The following NCAM2 variants were observed in gnomAD, a reference collection of about 807,000 sequenced individuals.
NCAM2 encodes the protein N-CAM-2.
A neutral mutation model predicts 98.1 loss-of-function variants in NCAM2; 30 were observed. That is an observed-to-expected ratio of 0.31 (90% CI 0.23 to 0.41). The LOEUF (loss-of-function observed/expected upper bound fraction) is 0.41, where lower values mean the gene tolerates loss of function less well. Among genes scored for constraint, NCAM2 ranks in the 10% least tolerant of loss-of-function variants. The probability of loss-of-function intolerance (pLI) is 1.00; values close to 1 mark genes in which losing one functional copy is unlikely to be tolerated. For missense variants in NCAM2, 867 were observed against 1,005.8 expected (o/e 0.86, Z 1.87); for synonymous variants, 368 against 342.4 (o/e 1.07, Z -0.83).
chr21:21,467,548 G>A lies in NCAM2; in HGVS notation c.1774+823G>A, dbSNP rs567310968. Among the ~76,000 whole-genome samples the A allele has an allele frequency of 4.0e-5, 6 of 151,264 alleles. No individual in the cohort carries two copies. In the South Asian group the frequency reaches 6.3e-4, roughly 16 times the overall value. On this transcript the variant is annotated intron_variant, in intron 13 of 17. Coordinates refer to ENST00000400546, the MANE Select transcript of NCAM2 (RefSeq NM_004540.5). ...GTTTCTTTTCTCCATTCCCAATGCT[G>A]GTGGTTAAGATAACCAGCCAGATAC...
intron 1 of NCAM2, among the ~76,000 whole-genome samples, chr21:21,102,869 GA>G (rs1011974126): frequency 1.3e-5 from 2 of 151,338 alleles, no homozygotes; most frequent in South Asian, 2.1e-4. Flanking sequence ...AAGGCAAAAT[GA>G]AAAAAAACTC....
At chr21:21,328,731 G>A (rs1170953235) in intron 6 of NCAM2, among the ~76,000 whole-genome samples, 1 of 151,822 alleles carries the variant, frequency 6.6e-6, no homozygotes, top group East Asian at 1.9e-4. Flanking sequence ...AAATTTTTAA[G>A]AGTATATAAA....
intron 16 of NCAM2, among the ~76,000 whole-genome samples, chr21:21,530,094 T>TGAAA (rs1569141508): frequency 2.1e-4 from 29 of 136,608 alleles, no homozygotes; most frequent in African/African-American, 7.5e-4. Context: ...TTTAATTTAA[T>TGAAA]TTAATTATAT....
At chr21:21,165,434 C>T (rs1443357746) in intron 1 of NCAM2, among the ~76,000 whole-genome samples, 1 of 152,170 alleles carries the variant, frequency 6.6e-6, no homozygotes, top group African/African-American at 2.4e-5. Flanking sequence ...TATCCAACTG[C>T]TACTCTGACC....
At chr21:21,355,912 A>T (rs1010682586) in intron 8 of NCAM2, among the ~76,000 whole-genome samples, 1 of 152,064 alleles carries the variant, frequency 6.6e-6, no homozygotes. Flanking sequence ...CCCGGCCTTA[A>T]TTTTAATTCA....
intron 8 of NCAM2, among the ~76,000 whole-genome samples, chr21:21,347,019 T>C (rs1480567158): frequency 6.6e-6 from 1 of 150,784 alleles, no homozygotes; most frequent in African/African-American, 2.4e-5. Context: ...AAATAAATAA[T>C]GGAGAACAGA....
intron 15 of NCAM2, among the ~76,000 whole-genome samples, chr21:21,487,726 C>T (rs1465628455): frequency 6.6e-6 from 1 of 152,076 alleles, no homozygotes; most frequent in African/African-American, 2.4e-5. Flanking sequence ...TTACAGTCAA[C>T]GTTACTGGCC....
At chr21:21,045,541 C>T (rs1332193379) in intron 1 of NCAM2, among the ~76,000 whole-genome samples, 7 of 151,924 alleles carry the variant, frequency 4.6e-5, no homozygotes, top group African/African-American at 9.7e-5. Flanking sequence ...CTCACCTACT[C>T]GGAAAACTGA....
At chr21:21,251,208 G>A (rs563372906) in intron 1 of NCAM2, among the ~76,000 whole-genome samples, 1 of 152,204 alleles carries the variant, frequency 6.6e-6, no homozygotes, top group East Asian at 1.9e-4. Context: ...AGAATGTGCA[G>A]GTTTGTTACG....
At chr21:21,064,811 A>T (rs541355415) in intron 1 of NCAM2, among the ~76,000 whole-genome samples, 1 of 152,298 alleles carries the variant, frequency 6.6e-6, no homozygotes, top group African/African-American at 2.4e-5. Context: ...GTAAACCTAG[A>T]TGTCAAATGA....
intron 1 of NCAM2, among the ~76,000 whole-genome samples, chr21:21,088,127 G>A (rs2065939470): frequency 6.6e-6 from 1 of 152,076 alleles, no homozygotes; most frequent in Non-Finnish European, 1.5e-5. Context: ...TTAAATTTGT[G>A]TATACAATTA....
intron 1 of NCAM2, among the ~76,000 whole-genome samples, chr21:21,058,669 ATT>A (rs59289753): frequency 6.9e-6 from 1 of 144,850 alleles, no homozygotes. Flanking sequence ...TTCACACAGG[ATT>A]TTTTTTTTTT....
chr21:21,335,514 G>T lies in NCAM2; in HGVS notation c.747G>T (p.Lys249Asn), dbSNP rs2074837372. 1 of 1,591,020 alleles carries T rather than the reference G, an allele frequency of 6.3e-7. No homozygotes were observed. Among genetic ancestry groups the T allele is most frequent in the African/African-American group, 1.4e-5 (1 of 73,520 alleles). ...EPAISWFRNGKLIEENEKYIL... is the reference protein window; with the variant it reads ...EPAISWFRNGNLIEENEKYIL... The stretch of plus-strand genomic sequence containing the variant: ...CTTTTTTCTTCTTTAGGAATGGCAA[G>T]CTCATTGAAGAAAATGAGAAGTACA... The change falls in exon 7 of 18, where the codon AAG (lysine) becomes AAT (asparagine). Residue 249 changes from lysine (K) to asparagine (N), a missense_variant. This residue lies in a region of NCAM2 where 447 missense variants were observed against 495.7 expected (regional missense o/e 0.90). Coordinates refer to ENST00000400546, the MANE Select transcript of NCAM2 (RefSeq NM_004540.5).
chr21:21,340,194 C>T (rs988303208), intron 8 of NCAM2, among the ~76,000 whole-genome samples: 1 of 151,820 alleles, frequency 6.6e-6, no homozygotes, highest in African/African-American at 2.4e-5. Flanking sequence ...TGCCCTTAGA[C>T]TTTATCATAC....
Position 21,313,885 on chromosome 21 carries a change from T to C in NCAM2, c.620-10498T>C, listed in dbSNP as rs1266653323. ...AGGGGGTGTTGCCGTTGTAATTCAATGTCCCTATTTAAGTTAGAATCAATG... is the reference window on the plus strand; with the variant it reads ...AGGGGGTGTTGCCGTTGTAATTCAACGTCCCTATTTAAGTTAGAATCAATG... On this transcript the variant is annotated intron_variant, in intron 5 of 17. Coordinates refer to ENST00000400546, the MANE Select transcript of NCAM2 (RefSeq NM_004540.5). Among the ~76,000 whole-genome samples the C allele has an allele frequency of 2.0e-5, 3 of 152,182 alleles. No homozygotes were observed. In the East Asian group the frequency reaches 5.8e-4, roughly 29 times the overall value.
At chr21:21,385,187 A>G (rs1301279388) in intron 9 of NCAM2, among the ~76,000 whole-genome samples, 2 of 152,012 alleles carry the variant, frequency 1.3e-5, no homozygotes, top group East Asian at 3.9e-4. Context: ...GTTATTAGAT[A>G]TTTTATTTCG....
intron 1 of NCAM2, among the ~76,000 whole-genome samples, chr21:21,134,612 T>A (rs2067004031): frequency 6.6e-6 from 1 of 152,250 alleles, no homozygotes; most frequent in Non-Finnish European, 1.5e-5. Context: ...TTTAATGTGC[T>A]AATAGAAAAT....
intron 6 of NCAM2, among the ~76,000 whole-genome samples, chr21:21,333,813 A>T (rs1424962322): frequency 6.6e-6 from 1 of 152,120 alleles, no homozygotes; most frequent in African/African-American, 2.4e-5. Context: ...ATTGAGAAAT[A>T]TATTGTATCC....
chr21:21,125,472 A>G (rs907542405), intron 1 of NCAM2, among the ~76,000 whole-genome samples: 4 of 14,366 alleles, frequency 2.8e-4, no homozygotes, highest in South Asian at 3.1e-3. Flanking sequence ...ACAGATATAT[A>G]TATCTATATA....
Sources: allele counts gnomAD v4.1 joint callset (sites outside exome capture counted in the v4.1 genomes callset), GRCh38; gene constraint gnomAD v4.1.1; regional missense constraint gnomAD v4.1.1; transcripts MANE v1.5; gene names NCBI Gene and HGNC (gene_info 2026-07-23, HGNC 2026-07-21).